The following DUSP16 variants were observed in gnomAD, a reference collection of about 807,000 sequenced individuals.
DUSP16 encodes dual specificity phosphatase 16, also known as dual specificity protein phosphatase 16.
Under a neutral mutation model 58.3 loss-of-function variants are expected in DUSP16, and 21 were observed. That is an observed-to-expected ratio of 0.36 (90% CI 0.26 to 0.52). DUSP16 has a LOEUF of 0.52. Ranked by LOEUF, DUSP16 falls within the 20% of genes least tolerant of loss-of-function variation. The probability of loss-of-function intolerance (pLI) is 0.94; values close to 1 mark genes in which losing one functional copy is unlikely to be tolerated. For missense variants in DUSP16, 726 were observed against 819.0 expected, an observed-to-expected ratio of 0.89 and a Z score of 1.39; for synonymous variants, 320 against 323.8, an observed-to-expected ratio of 0.99 and a Z score of 0.12.
chr12:12,559,609 A>G (rs749572225), intron 1 of DUSP16, among the ~76,000 whole-genome samples: 6 of 152,230 alleles, frequency 3.9e-5, no homozygotes, highest in Non-Finnish European at 8.8e-5. Flanking sequence ...AAATTATTAC[A>G]CTGGTAATTC....
intron 1 of DUSP16, among the ~76,000 whole-genome samples, chr12:12,557,608 A>C (rs1261229612): frequency 1.3e-5 from 2 of 152,186 alleles, no homozygotes; most frequent in Non-Finnish European, 2.9e-5. Flanking sequence ...TGAATATTAA[A>C]AAGTTATAAC....
Position 12,476,746 on chromosome 12 carries a change from GTACATATATA to G in DUSP16, c.*77_*86del, listed in dbSNP as rs1370902024. On this transcript the variant is annotated 3_prime_UTR_variant, in exon 7 of 7. Coordinates refer to ENST00000298573, the MANE Select transcript of DUSP16 (RefSeq NM_030640.3). ...CCATTTTCCAAAAATATATATGTAT[GTACATATATA>G]TATTTCAGATTTACAGGGAATTTTT... 1.0e-5 allele frequency: 13 copies of G among 1,248,134 alleles called. No individual in the cohort carries two copies. The highest frequency in any genetic ancestry group is 1.3e-5 in the Non-Finnish European group (12 of 905,264). 77.3% of individuals were successfully genotyped at this position (1,248,134 alleles called of 1,614,324 possible).
rs1268738049 is a variant in DUSP16 at position 12,476,530 on chromosome 12, C to T, written c.*303G>A. On this transcript the variant is annotated 3_prime_UTR_variant, in exon 7 of 7. Coordinates refer to ENST00000298573, the MANE Select transcript of DUSP16 (RefSeq NM_030640.3). ...GGTAGGGGATTTTGTCCTCCAACAC[C>T]AAAGACACTTGCTTTTTTAAGAACA... The T allele has an allele frequency of 1.6e-5, 4 of 242,544 alleles. No homozygotes were observed. Among genetic ancestry groups the T allele is most frequent in the African/African-American group, 9.1e-5 (4 of 44,044 alleles). 15.0% of individuals were successfully genotyped at this position (242,544 alleles called of 1,614,324 possible). A position where few individuals can be genotyped will look rare whatever the true frequency, so the allele number is the denominator to read the frequency against.
rs111441407 is a variant in DUSP16 at position 12,480,065 on chromosome 12, T to C, written c.815+158A>G. ...GCTAAATAGTAAAACAGCATTCTTT[T>C]CCAATCTTCACAAGACCATTAAAAA... On this transcript the variant is annotated intron_variant, in intron 6 of 6. Coordinates refer to ENST00000298573, the MANE Select transcript of DUSP16 (RefSeq NM_030640.3). Among the ~76,000 whole-genome samples the C allele has an allele frequency of 4.6e-3, 704 of 152,302 alleles. 8 individuals carry two copies. The highest frequency in any genetic ancestry group is 0.015 in the African/African-American group (637 of 41,554).
intron 3 of DUSP16, among the ~76,000 whole-genome samples, chr12:12,517,116 G>C (rs1022414688): frequency 6.6e-6 from 1 of 152,250 alleles, no homozygotes; most frequent in African/African-American, 2.4e-5. Flanking sequence ...CCGTGGGTAA[G>C]GTAGCCCTGA....
Position 12,521,306 on chromosome 12 carries a change from A to G in DUSP16, c.-208T>C. 1 of 1,422,014 alleles carries G rather than the reference A, an allele frequency of 7.0e-7. No individual in the cohort carries two copies. The highest frequency in any genetic ancestry group is 9.2e-7 in the Non-Finnish European group (1 of 1,091,020). The allele number at this position is 1,422,014 out of a possible 1,614,324, so 88.1% of individuals were successfully genotyped here. ...CTCTTTCCCGTTGATGTGCTCTTGC[A>G]AAGGACTCCGTCCACAAAGCAGCCC... On this transcript the variant is annotated 5_prime_UTR_variant, in exon 2 of 7. Coordinates refer to ENST00000298573, the MANE Select transcript of DUSP16 (RefSeq NM_030640.3).
chr12:12,531,855 C>A (rs10772572), intron 1 of DUSP16, among the ~76,000 whole-genome samples: 85,505 of 151,440 alleles, frequency 0.56, 24,359 homozygotes, highest in East Asian at 0.66. Context: ...TGGATGACAG[C>A]GTGAGACTCA....
At position 12,476,738 on chromosome 12, in the gene DUSP16, ATATG is replaced by A; in HGVS notation, c.*91_*94del. The A allele has an allele frequency of 2.5e-6, 3 of 1,196,524 alleles. No homozygotes were observed. The highest frequency in any genetic ancestry group is 3.5e-6 in the Non-Finnish European group (3 of 865,872). The allele number at this position is 1,196,524 out of a possible 1,614,324, so 74.1% of individuals were successfully genotyped here. On this transcript the variant is annotated 3_prime_UTR_variant, in exon 7 of 7. Transcript: ENST00000298573. Reference sequence around the variant, plus strand: ...CCATAGCTCCATTTTCCAAAAATATATATGTATGTACATATATATATTTCAGATT... The same window carrying A: ...CCATAGCTCCATTTTCCAAAAATATATATGTACATATATATATTTCAGATT...
At chr12:12,532,054 A>T (rs557304222) in intron 1 of DUSP16, among the ~76,000 whole-genome samples, 64 of 152,190 alleles carry the variant, frequency 4.2e-4, no homozygotes, top group African/African-American at 1.5e-3. Context: ...GCTACTCGGG[A>T]GGCTGAGGCA....
intron 1 of DUSP16, among the ~76,000 whole-genome samples, chr12:12,523,504 C>A (rs1944263119): frequency 6.6e-6 from 1 of 152,234 alleles, no homozygotes; most frequent in African/African-American, 2.4e-5. Flanking sequence ...GTCTCAACCA[C>A]ACCATATTTT....
intron 1 of DUSP16, chr12:12,560,653 A>C (rs1001423505): frequency 4.1e-4 from 63 of 152,116 alleles, no homozygotes; most frequent in African/African-American, 1.3e-3. Context: ...CACCAAATAG[A>C]CTCCACGAGC....
Position 12,474,139 on chromosome 12 carries a change from T to A in DUSP16, c.*2694A>T, listed in dbSNP as rs1353147866. The A allele has an allele frequency of 6.6e-6, 1 of 152,210 alleles. No homozygotes were observed. Among genetic ancestry groups the A allele is most frequent in the Non-Finnish European group, 1.5e-5 (1 of 68,038 alleles). The allele number at this position is 152,210 out of a possible 1,614,324, so 9.4% of individuals were successfully genotyped here. On this transcript the variant is annotated 3_prime_UTR_variant, in exon 7 of 7. Coordinates refer to ENST00000298573, the MANE Select transcript of DUSP16 (RefSeq NM_030640.3). Reference sequence around the variant, plus strand: ...CTCATTTAAGTGAGAACAGGACAGGTTTCACCACTGCCTCCTTTGGCAACT... The same window carrying A: ...CTCATTTAAGTGAGAACAGGACAGGATTCACCACTGCCTCCTTTGGCAACT...
At chr12:12,527,415 T>C (rs1023816104) in intron 1 of DUSP16, among the ~76,000 whole-genome samples, 8 of 152,122 alleles carry the variant, frequency 5.3e-5, no homozygotes, top group Non-Finnish European at 1.0e-4. Flanking sequence ...ATAAACTTGA[T>C]AGAAATTCTG....
In DUSP16 at chr12:12,557,593, G is replaced by A. The variant is rs111735671; in HGVS notation, c.-366+4524C>T. ...ATTTTTATTCAAATTCATTTGGACT[G>A]CACATGAATATTAAAAAGTTATAAC... On this transcript the variant is annotated intron_variant, in intron 1 of 6. Transcript: ENST00000298573. Among the ~76,000 whole-genome samples the A allele has an allele frequency of 2.0e-3, 307 of 150,608 alleles. 3 individuals are homozygous for A. Among genetic ancestry groups the A allele is most frequent in the African/African-American group, 7.2e-3 (294 of 40,856 alleles).
chr12:12,500,382 G>A, intron 4 of DUSP16, 137 bp downstream of exon 4: 1 of 1,009,790 alleles, frequency 9.9e-7, no homozygotes. Flanking sequence ...TGACGCAACT[G>A]TTACCTGGGG....
chr12:12,562,002 C>G (rs1944911113), intron 1 of DUSP16, 115 bp downstream of exon 1: 1 of 150,042 alleles, frequency 6.7e-6, no homozygotes, highest in Non-Finnish European at 1.5e-5. Flanking sequence ...AGCGCGGCGC[C>G]CGGCACCGGG....
At chr12:12,561,642 A>C (rs527780068) in intron 1 of DUSP16, among the ~76,000 whole-genome samples, 1 of 152,346 alleles carries the variant, frequency 6.6e-6, no homozygotes, top group East Asian at 1.9e-4. Flanking sequence ...CTCGCTGCTT[A>C]CACCAAAGGC....
At chr12:12,523,095 C>T (rs181014790) in intron 1 of DUSP16, among the ~76,000 whole-genome samples, 2 of 152,264 alleles carry the variant, frequency 1.3e-5, no homozygotes, top group East Asian at 3.9e-4. Context: ...GAAGCTAAAG[C>T]ATGGAGACAG....
chr12:12,536,982 T>C lies in DUSP16; in HGVS notation c.-365-15519A>G, dbSNP rs567239435. Among the ~76,000 whole-genome samples the C allele has an allele frequency of 7.9e-5, 12 of 151,964 alleles. No individual in the cohort carries two copies. The East Asian group carries it at 1.7e-3, about 22-fold the overall frequency. ...TGAACCCAGGAAGTGGAGGTTGCGG[T>C]GGGCCAAGATCACGCCACTGCACTC... On this transcript the variant is annotated intron_variant, in intron 1 of 6. Coordinates refer to ENST00000298573, the MANE Select transcript of DUSP16 (RefSeq NM_030640.3).
Sources: allele counts gnomAD v4.1 joint callset (sites outside exome capture counted in the v4.1 genomes callset), GRCh38; gene constraint gnomAD v4.1.1; transcripts MANE v1.5; gene names NCBI Gene and HGNC (gene_info 2026-07-23, HGNC 2026-07-21).